Variants in KDM3B observed in about 807,000 individuals in gnomAD.
KDM3B encodes lysine-specific demethylase 3B.
A neutral mutation model predicts 170.0 loss-of-function variants in KDM3B; 10 were observed. That is an observed-to-expected ratio of 0.06 (90% CI 0.04 to 0.10). The LOEUF is 0.10. KDM3B is among the 10% of genes least tolerant of loss of function. The pLI, the probability that KDM3B is intolerant of heterozygous loss-of-function variation, is 1.00. For synonymous variants in KDM3B, 831 were observed against 834.8 expected (o/e 1.00, Z 0.08); for missense variants, 1,394 against 2,195.2 (o/e 0.64, Z 7.29).
At chr5:138,388,061 A>G (rs1032546626) in intron 7 of KDM3B, among the ~76,000 whole-genome samples, 1 of 152,114 alleles carries the variant, frequency 6.6e-6, no homozygotes, top group Admixed American at 6.5e-5. Flanking sequence ...AGCCTGGGCG[A>G]CAGAGCAAGA....
At chr5:138,385,619 T>C (rs907243751) in intron 6 of KDM3B, among the ~76,000 whole-genome samples, 1 of 152,256 alleles carries the variant, frequency 6.6e-6, no homozygotes, top group Non-Finnish European at 1.5e-5. Flanking sequence ...GTACTTAAAA[T>C]GCAAGTTTCT....
Position 138,427,081 on chromosome 5 carries a change from T to C in KDM3B, c.4502+16T>C. 6.2e-7 allele frequency: 1 copy of C among 1,612,016 alleles called. No homozygotes were observed. Among genetic ancestry groups the C allele is most frequent in the Non-Finnish European group, 8.5e-7 (1 of 1,178,098 alleles). On this transcript the variant is annotated intron_variant, in intron 18 of 23. Transcript: ENST00000314358. ...TGCCAACCAGGTTAGTGACCTGCAG[T>C]GGTGTCATCTTCAGAAGCCATCACA...
intron 7 of KDM3B, among the ~76,000 whole-genome samples, chr5:138,388,654 A>AC (rs66495671): frequency 3.1e-5 from 2 of 64,914 alleles, no homozygotes; most frequent in Admixed American, 2.0e-4. Flanking sequence ...AAAAAAAAAA[A>AC]AAAAAAAAAA....
chr5:138,365,463 G>T (rs1172003315), intron 1 of KDM3B, among the ~76,000 whole-genome samples: 1 of 151,644 alleles, frequency 6.6e-6, no homozygotes, highest in Non-Finnish European at 1.5e-5. Context: ...TCACCCTGTT[G>T]GCCAGGCTGG....
chr5:138,434,268 G>A (rs1382506285), intron 23 of KDM3B, among the ~76,000 whole-genome samples: 1 of 151,918 alleles, frequency 6.6e-6, no homozygotes, highest in Non-Finnish European at 1.5e-5. Context: ...AAAAACAACA[G>A]GCTGGGCGCG....
At chr5:138,376,576 C>T (rs768478709) in intron 3 of KDM3B, among the ~76,000 whole-genome samples, 5 of 151,744 alleles carry the variant, frequency 3.3e-5, no homozygotes, top group Admixed American at 6.6e-5. Flanking sequence ...TCGTGGTGGA[C>T]GCCTGTAGTC....
chr5:138,380,041 G>A (rs2126932333), intron 5 of KDM3B, among the ~76,000 whole-genome samples: 1 of 152,270 alleles, frequency 6.6e-6, no homozygotes, highest in East Asian at 1.9e-4. Context: ...TAGTTGGAGT[G>A]CAGTGGTGCG....
chr5:138,385,047 G>T (rs1762223455), intron 6 of KDM3B, among the ~76,000 whole-genome samples: 1 of 151,546 alleles, frequency 6.6e-6, no homozygotes, highest in Non-Finnish European at 1.5e-5. Flanking sequence ...TTGATAAGGA[G>T]TTTCCCTCTT....
Position 138,429,779 on chromosome 5 carries a change from T to TA in KDM3B, c.4754-46dup, listed in dbSNP as rs557078285. ...TTGGACATTTCATTTCACTCAGTGG[T>TA]ACTGAAATGGCTGACTACATTGAAA... On this transcript the variant is annotated intron_variant, in intron 20 of 23. Transcript: ENST00000314358. 8.5e-5 allele frequency: 135 copies of TA among 1,592,078 alleles called. No individual in the cohort carries two copies. In the African/African-American group the frequency reaches 1.5e-3, roughly 18 times the overall value.
chr5:138,378,830 T>C (rs906880447), intron 4 of KDM3B, among the ~76,000 whole-genome samples: 1 of 149,798 alleles, frequency 6.7e-6, no homozygotes, highest in Admixed American at 6.7e-5. Flanking sequence ...TATATAGATA[T>C]AATGTATAGA....
At position 138,379,729 on chromosome 5, in the gene KDM3B, G is replaced by A. The variant is rs777775891; in HGVS notation, c.705+21G>A. The A allele has an allele frequency of 8.1e-6, 13 of 1,602,402 alleles. No homozygotes were observed. The East Asian group carries it at 2.9e-4, about 36-fold the overall frequency. ...CTGAGGTGAGACTCTGTGTTATTCT[G>A]TCTAAGGTCCATCCATCCCCTTAAA... On this transcript the variant is annotated intron_variant, in intron 5 of 23. Coordinates refer to ENST00000314358, the MANE Select transcript of KDM3B (RefSeq NM_016604.4).
intron 9 of KDM3B, among the ~76,000 whole-genome samples, chr5:138,396,720 C>T (rs991439128): frequency 6.6e-6 from 1 of 151,784 alleles, no homozygotes; most frequent in Non-Finnish European, 1.5e-5. Flanking sequence ...TTTCTGGCTC[C>T]TCTTTTCTCA....
At position 138,420,920 on chromosome 5, in the gene KDM3B, C is replaced by T. The variant is rs527897675; in HGVS notation, c.3930C>T (p.Asp1310=). ...GAAAACTTCCTCAAACCCCCTTGGA[C>T]ACAGGCATACCCTTTCCCCCGGTCT... is the stretch of plus-strand genomic sequence containing the variant. The part of the protein sequence containing the change: ...GPGKLPQTPL[D]TGIPFPPVFS... The change falls in exon 15 of 24, where the codon GAC becomes GAT. Residue 1310 remains aspartate (D), a synonymous_variant. Coordinates refer to ENST00000314358, the MANE Select transcript of KDM3B (RefSeq NM_016604.4). The T allele has an allele frequency of 5.6e-6, 9 of 1,614,108 alleles. No homozygotes were observed. The South Asian group carries it at 9.9e-5, about 18-fold the overall frequency.
chr5:138,429,150 C>T (rs1012559251), intron 20 of KDM3B, among the ~76,000 whole-genome samples: 1 of 151,826 alleles, frequency 6.6e-6, no homozygotes, highest in East Asian at 1.9e-4. Context: ...CTCCTGGGTT[C>T]AAGCAATTCT....
At chr5:138,359,885 A>G (rs1434555952) in intron 1 of KDM3B, among the ~76,000 whole-genome samples, 2 of 151,838 alleles carry the variant, frequency 1.3e-5, no homozygotes, top group Non-Finnish European at 2.9e-5. Flanking sequence ...ATTCTAAAAT[A>G]CTCCTTTCCT....
chr5:138,426,628 C>T (rs968970694), intron 17 of KDM3B: 4 of 214,608 alleles, frequency 1.9e-5, no homozygotes, highest in East Asian at 9.7e-5. Flanking sequence ...CAGTGCCTTA[C>T]GCCTGTAATC....
intron 6 of KDM3B, 21 bp downstream of exon 6, chr5:138,381,611 C>A: frequency 7.1e-7 from 1 of 1,417,490 alleles, no homozygotes; most frequent in Non-Finnish European, 1.0e-6. Context: ...GGACTGCATT[C>A]CTGAGCAGAC....
intron 23 of KDM3B, 59 bp downstream of exon 23, chr5:138,431,618 C>A: frequency 1.4e-6 from 2 of 1,382,266 alleles, no homozygotes; most frequent in Non-Finnish European, 1.9e-6. Flanking sequence ...ACATACATTA[C>A]GCAGAAAGCA....
intron 14 of KDM3B, 85 bp downstream of exon 14, chr5:138,419,317 C>A: frequency 7.0e-7 from 1 of 1,419,474 alleles, no homozygotes; most frequent in East Asian, 2.4e-5. Context: ...CATTACCATC[C>A]ACATTTATGA....
Sources: gnomAD v4.1 joint callset for allele counts (sites outside exome capture counted in the v4.1 genomes callset) on GRCh38, gnomAD v4.1.1 for gene constraint, MANE v1.5 for transcripts, NCBI Gene and HGNC (gene_info 2026-07-23, HGNC 2026-07-21) for gene names.